PDE4D: variants seen among roughly 807,000 people sequenced by gnomAD.
PDE4D encodes phosphodiesterase 4D.
In PDE4D, 24 loss-of-function variants were observed where a neutral mutation model predicts 87.4. The observed-to-expected ratio is 0.27, with a 90% CI of 0.20 to 0.39. PDE4D has a LOEUF of 0.39. PDE4D is among the 10% of genes least tolerant of loss of function. The pLI is 1.00. For missense variants in PDE4D, 714 were observed against 1,041.0 expected, an observed-to-expected ratio of 0.69 and a Z score of 4.32; for synonymous variants, 384 against 383.2, an observed-to-expected ratio of 1.00 and a Z score of -0.02.
intron 1 of PDE4D, among the ~76,000 whole-genome samples, chr5:59,827,929 A>C (rs984244875): frequency 1.3e-5 from 2 of 152,158 alleles, no homozygotes; most frequent in Non-Finnish European, 2.9e-5. Flanking sequence ...GTATTAAGAC[A>C]GTTAATTGAG....
intron 5 of PDE4D, among the ~76,000 whole-genome samples, chr5:59,133,891 T>C (rs140374808): frequency 7.0e-4 from 106 of 152,186 alleles, no homozygotes; most frequent in African/African-American, 2.3e-3. Context: ...AAAAGACCTA[T>C]GCACAGAAAA....
At position 59,762,263 on chromosome 5, in the gene PDE4D, T is replaced by TACATGGGTACAC. The variant is rs1561614908; in HGVS notation, c.455+130904_455+130905insGTGTACCCATGT. On this transcript the variant is annotated intron_variant, in intron 1 of 14. Transcript: ENST00000340635. Reference sequence around the variant, plus strand: ...ATGTGTATATGGGTACACATATGCGTATATGTGTATATGGGTACACATATG... The same window carrying TACATGGGTACAC: ...ATGTGTATATGGGTACACATATGCGTACATGGGTACACATATGTGTATATGGGTACACATATG... Among the ~76,000 whole-genome samples the TACATGGGTACAC allele has an allele frequency of 3.6e-4, 16 of 43,994 alleles. 1 individual carries two copies. Among genetic ancestry groups the TACATGGGTACAC allele is most frequent in the African/African-American group, 1.2e-3 (15 of 12,698 alleles). The allele number at this position is 43,994 out of a possible 152,430, so 28.9% of individuals were successfully genotyped here. A position where few individuals can be genotyped will look rare whatever the true frequency, so the allele number is the denominator to read the frequency against.
intron 1 of PDE4D, among the ~76,000 whole-genome samples, chr5:59,819,879 T>C (rs1011755304): frequency 2.6e-5 from 4 of 152,186 alleles, no homozygotes; most frequent in Non-Finnish European, 4.4e-5. Context: ...GATTTCTAAT[T>C]TGAGGCAATT....
At chr5:60,504,627 T>C (rs747624935) in intron 1 of PDE4D, among the ~76,000 whole-genome samples, 13 of 152,226 alleles carry the variant, frequency 8.5e-5, no homozygotes, top group Non-Finnish European at 1.9e-4. Context: ...CAGGTTGAAG[T>C]TGATTGACTT....
chr5:59,753,044 G>A (rs1041823470), intron 1 of PDE4D, among the ~76,000 whole-genome samples: 1 of 152,152 alleles, frequency 6.6e-6, no homozygotes, highest in African/African-American at 2.4e-5. Context: ...CCGTGGTAGG[G>A]TTGAATAGTT....
At position 60,049,195 on chromosome 5, in the gene PDE4D, G is replaced by T. The variant is rs1049990592; in HGVS notation, c.43-60478C>A. Among the ~76,000 whole-genome samples the T allele has an allele frequency of 3.3e-5, 5 of 151,848 alleles. No homozygotes were observed. In the South Asian group the frequency reaches 1.0e-3, roughly 31 times the overall value. On this transcript the variant is annotated intron_variant, in intron 2 of 16. Transcript: ENST00000502484. ...CTTCTGCATTCTTCATGTAGTTCTC[G>T]AGCCTTGGTTTTCAGCTCCATCAGC...
intron 1 of PDE4D, among the ~76,000 whole-genome samples, chr5:59,886,492 G>A (rs1377727501): frequency 1.3e-5 from 2 of 150,604 alleles, no homozygotes; most frequent in African/African-American, 4.9e-5. Flanking sequence ...ACTCCAGCTC[G>A]GACGATAAAT....
In PDE4D at chr5:59,369,939, A is replaced by C. The variant is rs144016200; in HGVS notation, c.456-153971T>G. Among the ~76,000 whole-genome samples the C allele has an allele frequency of 8.3e-4, 127 of 152,292 alleles. 3 individuals carry two copies. In the East Asian group the frequency reaches 0.022, roughly 27 times the overall value. ...TCCCTTGAACTCCTCAAGCTCAATAAATAAAAACACACATTTCCAATTTGT... is the reference window on the plus strand; with the variant it reads ...TCCCTTGAACTCCTCAAGCTCAATACATAAAAACACACATTTCCAATTTGT... On this transcript the variant is annotated intron_variant, in intron 1 of 14. Transcript: ENST00000340635.
At chr5:59,336,630 C>T (rs1457875637) in intron 1 of PDE4D, among the ~76,000 whole-genome samples, 1 of 152,226 alleles carries the variant, frequency 6.6e-6, no homozygotes. Flanking sequence ...CAGCTGCTAA[C>T]AGAAGTGGTG....
chr5:60,218,624 CA>C (rs1744138396), intron 1 of PDE4D, among the ~76,000 whole-genome samples: 1 of 151,960 alleles, frequency 6.6e-6, no homozygotes, highest in East Asian at 1.9e-4. Flanking sequence ...AGAATCATTT[CA>C]AATGGAAAGT....
At chr5:59,320,907 C>T (rs1774607742) in intron 1 of PDE4D, among the ~76,000 whole-genome samples, 1 of 152,086 alleles carries the variant, frequency 6.6e-6, no homozygotes. Flanking sequence ...GTTGTTTTCT[C>T]ATTAAGATAA....
chr5:59,897,024 T>C (rs1164166410), upstream of PDE4D, among the ~76,000 whole-genome samples: 1 of 152,224 alleles, frequency 6.6e-6, no homozygotes, highest in African/African-American at 2.4e-5. Context: ...ATGGGCACAG[T>C]CTGAGAGAGA....
intron 1 of PDE4D, among the ~76,000 whole-genome samples, chr5:59,662,031 G>C (rs1037700909): frequency 6.6e-6 from 1 of 152,178 alleles, no homozygotes; most frequent in Non-Finnish European, 1.5e-5. Flanking sequence ...CTAATGGAAT[G>C]TGAGTGGAGA....
At chr5:59,394,679 C>A (rs1437156173) in intron 1 of PDE4D, among the ~76,000 whole-genome samples, 1 of 152,126 alleles carries the variant, frequency 6.6e-6, no homozygotes, top group African/African-American at 2.4e-5. Flanking sequence ...AGGCACAGTT[C>A]CAAGGATTTA....
At chr5:59,921,731 A>G (rs573648679) in intron 3 of PDE4D, among the ~76,000 whole-genome samples, 1 of 152,160 alleles carries the variant, frequency 6.6e-6, no homozygotes, top group Non-Finnish European at 1.5e-5. Flanking sequence ...TGGTTTATCA[A>G]TTTTGTGGGT....
intron 5 of PDE4D, among the ~76,000 whole-genome samples, chr5:59,081,518 T>TTA (rs56306218): frequency 8.4e-4 from 114 of 135,312 alleles, no homozygotes; most frequent in East Asian, 1.1e-3. Context: ...AGTAATCAGG[T>TTA]AAAAAAAAAA....
rs1409078621 is a variant in PDE4D, at chr5:58,974,102, C to T, written c.*562G>A. ...TCTACAAAAAATCTGTTTTACATAT[C>T]ATACAAAATGTAGAGGTCAGTGCAG... is the stretch of plus-strand genomic sequence containing the variant. On this transcript the variant is annotated 3_prime_UTR_variant, in exon 15 of 15. Coordinates refer to ENST00000340635, the MANE Select transcript of PDE4D (RefSeq NM_001104631.2). 1 of 152,458 alleles carries T rather than the reference C, an allele frequency of 6.6e-6. No individual in the cohort carries two copies. Among genetic ancestry groups the T allele is most frequent in the Admixed American group, 6.6e-5 (1 of 15,256 alleles). The allele number at this position is 152,458 out of a possible 1,614,324, so 9.4% of individuals were successfully genotyped here. A position where few individuals can be genotyped will look rare whatever the true frequency, so the allele number is the denominator to read the frequency against.
chr5:59,518,489 C>A (rs1811585313), intron 1 of PDE4D, among the ~76,000 whole-genome samples: 2 of 152,092 alleles, frequency 1.3e-5, no homozygotes, highest in African/African-American at 4.8e-5. Context: ...AGGACATGAG[C>A]ACTCACATCA....
intron 2 of PDE4D, among the ~76,000 whole-genome samples, chr5:60,121,532 CA>C (rs1479827912): frequency 6.6e-6 from 1 of 152,048 alleles, no homozygotes; most frequent in Non-Finnish European, 1.5e-5. Flanking sequence ...GAGGAAGATA[CA>C]AAAGTGGAAA....
Sources: gnomAD v4.1 joint callset for allele counts (sites outside exome capture counted in the v4.1 genomes callset) on GRCh38, gnomAD v4.1.1 for gene constraint, MANE v1.5 for transcripts, NCBI Gene and HGNC (gene_info 2026-07-23, HGNC 2026-07-21) for gene names.